The following ALPK1 variants were observed in gnomAD, a reference collection of about 807,000 sequenced individuals.
ALPK1 encodes the protein alpha kinase 1, also known as alpha-protein kinase 1.
In ALPK1, 110 loss-of-function variants were observed where a neutral mutation model predicts 120.6. The ratio of observed to expected loss-of-function variants is 0.91; its 90% CI spans 0.78 to 1.07. ALPK1 has a LOEUF of 1.07. Ranked by LOEUF, ALPK1 falls within the 50% of genes least tolerant of loss-of-function variation. ALPK1 has a pLI of 0.00. For missense variants in ALPK1, 1,498 were observed against 1,483.9 expected, an observed-to-expected ratio of 1.01 and a Z score of -0.16; for synonymous variants, 582 against 560.3, an observed-to-expected ratio of 1.04 and a Z score of -0.55.
At chr4:112,306,553 TTC>T (rs925044205) in intron 1 of ALPK1, among the ~76,000 whole-genome samples, 75 of 152,160 alleles carry the variant, frequency 4.9e-4, no homozygotes, top group Non-Finnish European at 8.1e-4. Flanking sequence ...GTTTATAGTA[TTC>T]TCTGATGGTA....
chr4:112,396,113 T>C (rs1732639356), intron 4 of ALPK1, among the ~76,000 whole-genome samples: 1 of 152,188 alleles, frequency 6.6e-6, no homozygotes, highest in Admixed American at 6.5e-5. Context: ...GTAAAATATG[T>C]GATATTTTTA....
Position 112,402,917 on chromosome 4 carries a change from C to T in ALPK1, c.277-8910C>T, listed in dbSNP as rs541696628. Among the ~76,000 whole-genome samples the T allele has an allele frequency of 9.9e-5, 15 of 152,206 alleles. No homozygotes were observed. In the Middle Eastern group the frequency reaches 0.01, roughly 104 times the overall value. On this transcript the variant is annotated intron_variant, in intron 4 of 15. Coordinates refer to ENST00000650871, the MANE Select transcript of ALPK1 (RefSeq NM_025144.4). ...GAGTCCTCTGTGATGGCAGGTCAGT[C>T]GTGGGCCTAAAAACCCAAACAAAAA...
intron 2 of ALPK1, among the ~76,000 whole-genome samples, chr4:112,366,959 A>G (rs923187457): frequency 6.6e-6 from 1 of 152,200 alleles, no homozygotes; most frequent in African/African-American, 2.4e-5. Context: ...GGAAAACCAA[A>G]CGTCGTATGT....
chr4:112,375,793 G>A (rs1246652410), intron 2 of ALPK1, among the ~76,000 whole-genome samples: 2 of 151,304 alleles, frequency 1.3e-5, no homozygotes, highest in Non-Finnish European at 2.9e-5. Context: ...TGTCACAAGA[G>A]GCCTATCTTT....
At chr4:112,408,455 A>G (rs1733297325) in intron 4 of ALPK1, among the ~76,000 whole-genome samples, 2 of 151,402 alleles carry the variant, frequency 1.3e-5, no homozygotes, top group Admixed American at 1.3e-4. Context: ...TTTACATTTT[A>G]TGAATGCCAA....
At chr4:112,307,927 T>C (rs1396088405) in intron 1 of ALPK1, among the ~76,000 whole-genome samples, 1 of 152,136 alleles carries the variant, frequency 6.6e-6, no homozygotes, top group Non-Finnish European at 1.5e-5. Flanking sequence ...TCAGGAGCTC[T>C]TTTAGGGAAG....
intron 1 of ALPK1, among the ~76,000 whole-genome samples, chr4:112,310,617 G>A (rs984842609): frequency 6.6e-6 from 1 of 152,068 alleles, no homozygotes; most frequent in Non-Finnish European, 1.5e-5. Flanking sequence ...AGTACAGGAT[G>A]CTTTTAATAT....
chr4:112,353,279 T>C (rs1730446486), intron 2 of ALPK1, among the ~76,000 whole-genome samples: 1 of 152,188 alleles, frequency 6.6e-6, no homozygotes, highest in Admixed American at 6.5e-5. Flanking sequence ...CTGGCCATAC[T>C]TCACTTTTCT....
intron 2 of ALPK1, among the ~76,000 whole-genome samples, chr4:112,318,319 T>C (rs971110732): frequency 6.6e-6 from 1 of 152,248 alleles, no homozygotes; most frequent in African/African-American, 2.4e-5. Flanking sequence ...TTTACTTGCT[T>C]ATTAAATCTT....
At position 112,356,630 on chromosome 4, in the gene ALPK1, G is replaced by A. The variant is rs1730632009; in HGVS notation, c.-100-21048G>A. The A allele has an allele frequency of 3.8e-6, 3 of 794,770 alleles. No homozygotes were observed. In the Admixed American group the frequency reaches 5.3e-5, roughly 14 times the overall value. The allele number at this position is 794,770 out of a possible 1,614,324, so 49.2% of individuals were successfully genotyped here. A position where few individuals can be genotyped will look rare whatever the true frequency, so the allele number is the denominator to read the frequency against. On this transcript the variant is annotated intron_variant, in intron 2 of 15. Coordinates refer to ENST00000650871, the MANE Select transcript of ALPK1 (RefSeq NM_025144.4). ...AGATCCACTTGTGCCGCAAGAAGATGGCAAGTCGCTCTGTCATTTCTACAA... is the reference window on the plus strand; with the variant it reads ...AGATCCACTTGTGCCGCAAGAAGATAGCAAGTCGCTCTGTCATTTCTACAA...
intron 2 of ALPK1, among the ~76,000 whole-genome samples, chr4:112,340,480 A>G (rs1236964744): frequency 6.6e-6 from 1 of 152,258 alleles, no homozygotes; most frequent in Non-Finnish European, 1.5e-5. Flanking sequence ...TTTCAATGTT[A>G]TTAGAAAAAG....
chr4:112,338,510 AACAG>A (rs1369295201), intron 2 of ALPK1, among the ~76,000 whole-genome samples: 6 of 152,196 alleles, frequency 3.9e-5, no homozygotes, highest in Admixed American at 6.5e-5. Context: ...AGTGATACTA[AACAG>A]ACAATCGAAA....
At chr4:112,350,803 G>C (rs746600422) in intron 2 of ALPK1, among the ~76,000 whole-genome samples, 1 of 152,196 alleles carries the variant, frequency 6.6e-6, no homozygotes, top group African/African-American at 2.4e-5. Context: ...GCCTCTCAGA[G>C]AATACATCTC....
At chr4:112,436,190 G>A (rs1410179499) in intron 12 of ALPK1, among the ~76,000 whole-genome samples, 2 of 152,134 alleles carry the variant, frequency 1.3e-5, no homozygotes, top group Admixed American at 1.3e-4. Context: ...TTCTTGAAAA[G>A]ATTATTGATT....
At position 112,439,728 on chromosome 4, in the gene ALPK1, C is replaced by T. The variant is rs188598288; in HGVS notation, c.3394C>T (p.Pro1132Ser). 6.2e-7 allele frequency: 1 copy of T among 1,612,726 alleles called. No homozygotes were observed. Among genetic ancestry groups the T allele is most frequent in the African/African-American group, 1.3e-5 (1 of 74,862 alleles). ...KTIKGCISVE[P>S]YILGEFVKLS... is the part of the protein sequence containing the mutation. ...AATAAAGGGATGTATCAGTGTGGAG[C>T]CTTACATACTGGGAGAATTTGTAAA... The change falls in exon 14 of 16, where the codon CCT (proline) becomes TCT (serine). Residue 1132 changes from proline (P) to serine (S), a missense_variant. By Grantham distance (74) the Pro-to-Ser change is moderately conservative (BLOSUM62 -1). Transcript: ENST00000650871.
Position 112,431,298 on chromosome 4 carries a change from G to A in ALPK1, c.1751G>A (p.Ser584Asn). 6.2e-7 allele frequency: 1 copy of A among 1,614,198 alleles called. No individual in the cohort carries two copies. The highest frequency in any genetic ancestry group is 8.5e-7 in the Non-Finnish European group (1 of 1,180,034). The change falls in exon 11 of 16, where the codon AGC becomes AAC. Residue 584 changes from serine to asparagine, a missense_variant. Transcript: ENST00000650871. ...GGCAGCCAGACTTCCAGTGCTTGGAGCAACTTATCAGGGTTTAGTTCCTCT... is the reference window on the plus strand; with the variant it reads ...GGCAGCCAGACTTCCAGTGCTTGGAACAACTTATCAGGGTTTAGTTCCTCT... ...LSGSQTSSAW[S>N]NLSGFSSSAS... is the part of the protein sequence containing the mutation.
chr4:112,330,655 T>G (rs889682085), intron 2 of ALPK1, among the ~76,000 whole-genome samples: 106 of 152,218 alleles, frequency 7.0e-4, no homozygotes, highest in African/African-American at 2.5e-3. Context: ...TGGTTGTTGA[T>G]TCAGAGCATA....
chr4:112,416,238 G>A (rs1172606455), intron 5 of ALPK1, among the ~76,000 whole-genome samples: 4 of 152,100 alleles, frequency 2.6e-5, no homozygotes, highest in Non-Finnish European at 5.9e-5. Context: ...CACGTGCCTG[G>A]CTGCCCACCT....
chr4:112,298,856 A>G (rs1727659668), intron 1 of ALPK1, among the ~76,000 whole-genome samples: 2 of 152,166 alleles, frequency 1.3e-5, no homozygotes, highest in South Asian at 4.1e-4. Context: ...CTGAAATTCC[A>G]TGGCTCCTTC....
Sources: gnomAD v4.1 joint callset for allele counts (sites outside exome capture counted in the v4.1 genomes callset) on GRCh38, gnomAD v4.1.1 for gene constraint, MANE v1.5 for transcripts, NCBI Gene and HGNC (gene_info 2026-07-23, HGNC 2026-07-21) for gene names.